Variants in ZFP14 observed in about 807,000 individuals in gnomAD.
ZFP14 encodes zinc finger protein 14 homolog.
Under a neutral mutation model 54.5 loss-of-function variants are expected in ZFP14, and 22 were observed. The ratio of observed to expected loss-of-function variants is 0.40; its 90% CI spans 0.29 to 0.58. The LOEUF (loss-of-function observed/expected upper bound fraction) is 0.58, where lower values mean the gene tolerates loss of function less well. ZFP14 is among the 20% of genes least tolerant of loss of function. The probability of loss-of-function intolerance (pLI) is 0.39; values close to 1 mark genes in which losing one functional copy is unlikely to be tolerated. For synonymous variants in ZFP14, 159 were observed against 204.0 expected (o/e 0.78, Z 1.88); for missense variants, 470 against 637.8 (o/e 0.74, Z 2.83).
rs2031282263 is a variant in ZFP14, at chr19:36,340,169, A to G, written c.*55T>C. On this transcript the variant is annotated 3_prime_UTR_variant, in exon 5 of 5. Transcript: ENST00000270001. This position sits in a 1 kb window ranked among gnomAD's most constrained non-coding sequence, Gnocchi z 5.4. ...ATTGAGCATGAAACACATTTTCTCA[A>G]AAATGAATTTTCTGATGTTCTGTAA... 6.8e-7 allele frequency: 1 copy of G among 1,469,944 alleles called. No homozygotes were observed. The highest frequency in any genetic ancestry group is 9.0e-7 in the Non-Finnish European group (1 of 1,107,428). The allele number at this position is 1,469,944 out of a possible 1,614,324, so 91.1% of individuals were successfully genotyped here.
chr19:36,340,512 T>A lies in ZFP14; in HGVS notation c.1314A>T (p.Gln438His). ...ECGKAFRLLS[Q>H]LTQHQSIHTG... is the part of the protein sequence containing the mutation. ...TGTGAATACTTTGATGCTGAGTAAG[T>A]TGTGAGAGCAGTCTAAAGGCCTTTC... The change falls in exon 5 of 5, where the codon CAA (glutamine) becomes CAT (histidine). Residue 438 changes from glutamine (Q) to histidine (H), a missense_variant. Physicochemically the swap from Gln to His is conservative, Grantham distance 24 (BLOSUM62 0). Coordinates refer to ENST00000270001, the MANE Select transcript of ZFP14 (RefSeq NM_020917.3). The surrounding 1 kb of genome is among the most constrained non-coding windows in gnomAD (Gnocchi z 5.4). 1 of 1,614,104 alleles carries A rather than the reference T, an allele frequency of 6.2e-7. No individual in the cohort carries two copies. Among genetic ancestry groups the A allele is most frequent in the Non-Finnish European group, 8.5e-7 (1 of 1,180,014 alleles).
intron 4 of ZFP14, among the ~76,000 whole-genome samples, chr19:36,349,360 C>A (rs1417914799): frequency 6.7e-6 from 1 of 150,040 alleles, no homozygotes; most frequent in Non-Finnish European, 1.5e-5. Context: ...TCCCTTAACG[C>A]CCTTTGAAAA....
intron 4 of ZFP14, among the ~76,000 whole-genome samples, chr19:36,357,280 C>T (rs1490279691): frequency 1.3e-5 from 2 of 152,066 alleles, no homozygotes; most frequent in African/African-American, 2.4e-5. Flanking sequence ...CAATATCAGG[C>T]GATCTGCCCG....
In ZFP14 at chr19:36,362,168, T is replaced by C. The variant is rs1188937036; in HGVS notation, c.80A>G (p.Gln27Arg). ...QEEWEFLDPA[Q>R]RDLYRDVMWE... ...CATTACATCCCTATATAAGTCCCTC[T>C]GAGCAGGATCCAGGAATTCCCATTC... The change falls in exon 3 of 5, where the codon CAG becomes CGG. Residue 27 changes from glutamine to arginine, a missense_variant. By Grantham distance (43) the Gln-to-Arg change is conservative. Coordinates refer to ENST00000270001, the MANE Select transcript of ZFP14 (RefSeq NM_020917.3). 1.9e-6 allele frequency: 3 copies of C among 1,612,632 alleles called. No homozygotes were observed. The highest frequency in any genetic ancestry group is 2.5e-6 in the Non-Finnish European group (3 of 1,179,356).
At chr19:36,347,167 C>T (rs750902106) in intron 4 of ZFP14, among the ~76,000 whole-genome samples, 1 of 152,112 alleles carries the variant, frequency 6.6e-6, no homozygotes, top group African/African-American at 2.4e-5. Context: ...CATGACACTA[C>T]GGCAAGCTAA....
intron 4 of ZFP14, among the ~76,000 whole-genome samples, chr19:36,349,686 TATATATATA>T (rs1019856244): frequency 1.6e-4 from 23 of 144,626 alleles, no homozygotes; most frequent in African/African-American, 3.8e-4. Flanking sequence ...AAAAAATATA[TATATATATA>T]ATATATATAT....
chr19:36,375,271 C>T (rs1182578674), intron 1 of ZFP14, among the ~76,000 whole-genome samples: 1 of 152,194 alleles, frequency 6.6e-6, no homozygotes, highest in Non-Finnish European at 1.5e-5. Flanking sequence ...CCAGTTACCT[C>T]CATAAAGACC....
intron 4 of ZFP14, among the ~76,000 whole-genome samples, chr19:36,342,689 T>A (rs2031343907): frequency 6.6e-6 from 1 of 152,114 alleles, no homozygotes; most frequent in East Asian, 1.9e-4. Flanking sequence ...GGGAGTAAGG[T>A]AAAGTGCAGC....
In ZFP14 at chr19:36,337,241, C is replaced by G. The variant is rs1240808085; in HGVS notation, c.*2983G>C. 6.6e-6 allele frequency: 1 copy of G among 152,034 alleles called. No individual in the cohort carries two copies. Among genetic ancestry groups the G allele is most frequent in the Non-Finnish European group, 1.5e-5 (1 of 68,024 alleles). The allele number at this position is 152,034 out of a possible 1,614,324, so 9.4% of individuals were successfully genotyped here. ...TTTTAATCTGTTAATGGTTGCCCTT[C>G]CCCTTGTATTTTCATGCTACCTGTT... On this transcript the variant is annotated 3_prime_UTR_variant, in exon 5 of 5. Transcript: ENST00000270001.
chr19:36,370,203 G>A (rs79325445), intron 1 of ZFP14, among the ~76,000 whole-genome samples: 2,794 of 152,206 alleles, frequency 0.018, 53 homozygotes, highest in African/African-American at 0.062. Context: ...CAGGAAGGAC[G>A]GCTCGACATT....
intron 2 of ZFP14, among the ~76,000 whole-genome samples, chr19:36,366,922 G>A (rs1354790419): frequency 6.6e-6 from 1 of 152,128 alleles, no homozygotes; most frequent in Non-Finnish European, 1.5e-5. Context: ...GGGAGGCCGA[G>A]GCAGGCAGAT....
At chr19:36,355,415 C>G (rs960784653) in intron 4 of ZFP14, among the ~76,000 whole-genome samples, 1 of 142,406 alleles carries the variant, frequency 7.0e-6, no homozygotes, top group Non-Finnish European at 1.6e-5. Flanking sequence ...CAGTGGCTCG[C>G]GCCTGTAATC....
At chr19:36,351,892 AT>A (rs2031531494) in intron 4 of ZFP14, among the ~76,000 whole-genome samples, 3 of 142,856 alleles carry the variant, frequency 2.1e-5, no homozygotes, top group African/African-American at 7.7e-5. Flanking sequence ...TAAAGATTCT[AT>A]TAAGATCCGG....
intron 4 of ZFP14, among the ~76,000 whole-genome samples, chr19:36,358,471 C>T (rs989473726): frequency 5.3e-5 from 8 of 152,110 alleles, no homozygotes; most frequent in Admixed American, 6.6e-5. Flanking sequence ...ATTATTACTT[C>T]GAATAGTTGT....
chr19:36,344,224 C>T (rs142738811), intron 4 of ZFP14, among the ~76,000 whole-genome samples: 2,797 of 152,226 alleles, frequency 0.018, 53 homozygotes, highest in African/African-American at 0.062. Context: ...AGGCTGGTCT[C>T]GAACTCCTGA....
intron 3 of ZFP14, among the ~76,000 whole-genome samples, 171 bp from the exon 4 acceptor site, chr19:36,360,704 AG>A (rs761481931): frequency 2.0e-5 from 3 of 152,208 alleles, no homozygotes; most frequent in Non-Finnish European, 4.4e-5. Flanking sequence ...GAGGGTCACA[AG>A]GAATAGCCTG....
intron 4 of ZFP14, among the ~76,000 whole-genome samples, chr19:36,349,246 AAAAAAAAAAAC>A (rs1568467131): frequency 0.053 from 3,652 of 68,688 alleles, 854 homozygotes; most frequent in African/African-American, 0.14. Flanking sequence ...AAAAAAACAA[AAAAAAAAAAAC>A]AAAAAAAAAA....
At position 36,336,738 on chromosome 19, in the gene ZFP14, A is replaced by T. The variant is rs1321305743; in HGVS notation, c.*3486T>A. 1 of 152,230 alleles carries T rather than the reference A, an allele frequency of 6.6e-6. No individual in the cohort carries two copies. The highest frequency in any genetic ancestry group is 1.5e-5 in the Non-Finnish European group (1 of 68,042). The allele number at this position is 152,230 out of a possible 1,614,324, so 9.4% of individuals were successfully genotyped here. A position where few individuals can be genotyped will look rare whatever the true frequency, so the allele number is the denominator to read the frequency against. ...AGGGCATTAATTTGTCACTGAACAG[A>T]ACTTTGATTATATCTGACAAGGTTA... On this transcript the variant is annotated 3_prime_UTR_variant, in exon 5 of 5. Coordinates refer to ENST00000270001, the MANE Select transcript of ZFP14 (RefSeq NM_020917.3).
At chr19:36,360,153 ATATT>A (rs1365228654) in intron 4 of ZFP14, 3 of 227,624 alleles carry the variant, frequency 1.3e-5, no homozygotes, top group Middle Eastern at 1.4e-3. Context: ...TTCTGCTCTT[ATATT>A]TATTTATTTT....
Sources: allele counts gnomAD v4.1 joint callset (sites outside exome capture counted in the v4.1 genomes callset), GRCh38; gene constraint gnomAD v4.1.1; non-coding constraint Gnocchi (gnomAD v3.1); transcripts MANE v1.5; gene names NCBI Gene and HGNC (gene_info 2026-07-23, HGNC 2026-07-21).